EVI5: variants seen among roughly 807,000 people sequenced by gnomAD.
EVI5 encodes ecotropic viral integration site 5, also known as ecotropic viral integration site 5 protein homolog.
EVI5 carries 73 observed loss-of-function variants against 112.0 expected under a neutral mutation model. The ratio of observed to expected loss-of-function variants is 0.65; its 90% CI spans 0.54 to 0.79. The LOEUF is 0.79. Among genes scored for constraint, EVI5 ranks in the 30% least tolerant of loss-of-function variants. EVI5 has a pLI of 0.00. For synonymous variants in EVI5, 305 were observed against 319.9 expected (o/e 0.95, Z 0.50); for missense variants, 900 against 968.8 (o/e 0.93, Z 0.94).
chr1:92,768,055 G>A (rs1682893985), intron 1 of EVI5, among the ~76,000 whole-genome samples: 1 of 147,240 alleles, frequency 6.8e-6, no homozygotes, highest in Non-Finnish European at 1.5e-5. Flanking sequence ...ACTCCAACCT[G>A]GGCAACAGAG....
intron 1 of EVI5, among the ~76,000 whole-genome samples, chr1:92,783,458 T>G (rs1570960422): frequency 8.7e-6 from 1 of 115,072 alleles, no homozygotes; most frequent in African/African-American, 3.4e-5. Flanking sequence ...ATATCCAGCC[T>G]AGGCAACAGA....
intron 10 of EVI5, among the ~76,000 whole-genome samples, chr1:92,671,578 A>G (rs1298895939): frequency 6.6e-6 from 1 of 152,096 alleles, no homozygotes; most frequent in Non-Finnish European, 1.5e-5. Flanking sequence ...TCTCCTAGGC[A>G]TCTCATTCCC....
intron 1 of EVI5, among the ~76,000 whole-genome samples, chr1:92,772,906 T>TAAAAAAA (rs529315237): frequency 9.1e-6 from 1 of 109,734 alleles, no homozygotes. Context: ...AACCCCATCT[T>TAAAAAAA]AAAAAAAAAA....
chr1:92,658,248 A>G (rs1663351272), intron 13 of EVI5, among the ~76,000 whole-genome samples: 1 of 152,186 alleles, frequency 6.6e-6, no homozygotes, highest in African/African-American at 2.4e-5. Flanking sequence ...AGCAACCAGG[A>G]AAGAGAAAGA....
chr1:92,592,964 G>A (rs1305166409), intron 18 of EVI5, among the ~76,000 whole-genome samples: 1 of 152,194 alleles, frequency 6.6e-6, no homozygotes. Flanking sequence ...GGACCAGATG[G>A]ATTCACAGCC....
In EVI5 at chr1:92,642,754, G is replaced by A. The variant is rs140923108; in HGVS notation, c.1393-6418C>T. Among the ~76,000 whole-genome samples the A allele has an allele frequency of 2.3e-3, 351 of 152,188 alleles. 1 individual carries two copies. The highest frequency in any genetic ancestry group is 8.1e-3 in the African/African-American group (335 of 41,516). On this transcript the variant is annotated intron_variant, in intron 13 of 19. Coordinates refer to ENST00000684568, the MANE Select transcript of EVI5 (RefSeq NM_001350197.2). ...ACATAATTCTTTGATGTTCTCTCTAGAATTATAGAAAAGGGAGGGAAGGTC... is the reference window on the plus strand; with the variant it reads ...ACATAATTCTTTGATGTTCTCTCTAAAATTATAGAAAAGGGAGGGAAGGTC...
intron 9 of EVI5, 99 bp downstream of exon 9, chr1:92,693,703 A>T (rs1669852879): frequency 1.5e-6 from 1 of 686,054 alleles, no homozygotes; most frequent in South Asian, 1.8e-5. Context: ...AATACCACCG[A>T]AGAAAATAAT....
At chr1:92,575,288 C>A (rs4847305) in intron 18 of EVI5, among the ~76,000 whole-genome samples, 2 of 152,110 alleles carry the variant, frequency 1.3e-5, no homozygotes, top group Admixed American at 6.6e-5. Flanking sequence ...TCCTGAACCA[C>A]TGGAATGTAA....
intron 18 of EVI5, among the ~76,000 whole-genome samples, chr1:92,592,754 C>T (rs1472138895): frequency 6.6e-6 from 1 of 152,058 alleles, no homozygotes; most frequent in African/African-American, 2.4e-5. Context: ...ACCGATCCCA[C>T]ATACATACAA....
intron 1 of EVI5, among the ~76,000 whole-genome samples, chr1:92,759,547 A>C (rs1399416319): frequency 6.6e-6 from 1 of 152,190 alleles, no homozygotes; most frequent in Admixed American, 6.6e-5. Context: ...ATACATTCAC[A>C]ATCTTGTGCA....
intron 1 of EVI5, among the ~76,000 whole-genome samples, chr1:92,759,417 T>C (rs1354246556): frequency 6.6e-6 from 1 of 152,178 alleles, no homozygotes; most frequent in Non-Finnish European, 1.5e-5. Context: ...GAAGTAAAAC[T>C]GTGAACTAGC....
At chr1:92,729,942 G>GA (rs1392097876) in intron 2 of EVI5, among the ~76,000 whole-genome samples, 1 of 152,012 alleles carries the variant, frequency 6.6e-6, no homozygotes, top group Non-Finnish European at 1.5e-5. Flanking sequence ...GTTTAACATT[G>GA]AAAAATCAAT....
upstream of EVI5, among the ~76,000 whole-genome samples, chr1:92,789,371 T>C (rs992614960): frequency 2.6e-5 from 4 of 152,006 alleles, no homozygotes; most frequent in African/African-American, 9.7e-5. Flanking sequence ...GGCAAGATCT[T>C]GACTCACTGC....
In EVI5 at chr1:92,558,878, A is replaced by C. The variant is rs539589277; in HGVS notation, c.2166+4764T>G. Among the ~76,000 whole-genome samples the C allele has an allele frequency of 4.0e-5, 6 of 151,832 alleles. No individual in the cohort carries two copies. In the South Asian group the frequency reaches 1.2e-3, roughly 32 times the overall value. On this transcript the variant is annotated intron_variant, in intron 19 of 19. Transcript: ENST00000684568. ...GGGCAAAACAAAACAAAACAAAAAA[A>C]CCCAAACAACACCAACCAAAAAAAC...
chr1:92,676,861 T>C (rs1666830200), intron 10 of EVI5, among the ~76,000 whole-genome samples: 1 of 152,178 alleles, frequency 6.6e-6, no homozygotes, highest in South Asian at 2.1e-4. Context: ...TAGATTGTCT[T>C]CTCTGCAACT....
chr1:92,715,324 TAAAA>T (rs901215872), intron 2 of EVI5, among the ~76,000 whole-genome samples: 3 of 152,268 alleles, frequency 2.0e-5, no homozygotes, highest in Admixed American at 2.0e-4. Context: ...CAATGATTTT[TAAAA>T]ATACACACAC....
intron 1 of EVI5, among the ~76,000 whole-genome samples, chr1:92,777,717 T>C (rs1205323944): frequency 6.6e-6 from 1 of 152,156 alleles, no homozygotes; most frequent in Non-Finnish European, 1.5e-5. Context: ...AGATGGCAGA[T>C]TGAACACACA....
At chr1:92,625,544 G>C (rs953536095) in intron 15 of EVI5, 1 of 325,182 alleles carries the variant, frequency 3.1e-6, no homozygotes, top group Non-Finnish European at 5.7e-6. Flanking sequence ...AGTTACACAA[G>C]GCACAATGGT....
chr1:92,600,762 C>T (rs1050027688), intron 18 of EVI5, among the ~76,000 whole-genome samples: 2 of 152,168 alleles, frequency 1.3e-5, no homozygotes, highest in Non-Finnish European at 2.9e-5. Flanking sequence ...CAGTATGCTG[C>T]TGGCTGCCCG....
Sources: gnomAD v4.1 joint callset for allele counts (sites outside exome capture counted in the v4.1 genomes callset) on GRCh38, gnomAD v4.1.1 for gene constraint, MANE v1.5 for transcripts, NCBI Gene and HGNC (gene_info 2026-07-23, HGNC 2026-07-21) for gene names.